CFAP90: variants seen among roughly 807,000 people sequenced by gnomAD.
CFAP90 encodes the protein cilia and flagella associated protein 90.
the CFAP90 span, among the ~76,000 whole-genome samples, chr5:7,836,275 C>A: frequency 6.6e-6 from 1 of 152,114 alleles, no homozygotes; most frequent in African/African-American, 2.4e-5. Context: ...CTCAAATTCT[C>A]TATAATAAGC....
chr5:7,841,141 GA>G, the CFAP90 span, among the ~76,000 whole-genome samples: 5 of 150,066 alleles, frequency 3.3e-5, no homozygotes, highest in South Asian at 2.1e-4. Context: ...AAATTTACAA[GA>G]AAAAAAAACC....
At chr5:7,836,014 T>C in the CFAP90 span, among the ~76,000 whole-genome samples, 1 of 152,150 alleles carries the variant, frequency 6.6e-6, no homozygotes, top group Non-Finnish European at 1.5e-5. Flanking sequence ...GTCTTCTCCC[T>C]GTATCCTCAC....
the CFAP90 span, among the ~76,000 whole-genome samples, chr5:7,850,402 A>G: frequency 7.1e-6 from 1 of 141,392 alleles, no homozygotes; most frequent in Non-Finnish European, 1.5e-5. Flanking sequence ...GGGCCCCTCT[A>G]CTCTGTGAGC....
At chr5:7,841,310 A>C in the CFAP90 span, among the ~76,000 whole-genome samples, 1 of 152,210 alleles carries the variant, frequency 6.6e-6, no homozygotes, top group Admixed American at 6.5e-5. Flanking sequence ...ATGGATATTG[A>C]AAAGTCAAAA....
chr5:7,833,558 ACACATATG>A, the CFAP90 span, among the ~76,000 whole-genome samples: 1 of 152,174 alleles, frequency 6.6e-6, no homozygotes, highest in African/African-American at 2.4e-5. Flanking sequence ...TACACATATT[ACACATATG>A]CCCACACACA....
the CFAP90 span, among the ~76,000 whole-genome samples, chr5:7,849,719 G>A: frequency 1.3e-5 from 2 of 152,134 alleles, no homozygotes; most frequent in Admixed American, 6.5e-5. Flanking sequence ...GGAAATGCAC[G>A]GGCCGGTGTG....
At chr5:7,832,741 G>C in the CFAP90 span, among the ~76,000 whole-genome samples, 1 of 152,096 alleles carries the variant, frequency 6.6e-6, no homozygotes, top group Admixed American at 6.6e-5. Context: ...ACCCACCTCG[G>C]CCTCCCAAAG....
the CFAP90 span, among the ~76,000 whole-genome samples, chr5:7,833,682 T>C: frequency 6.6e-6 from 1 of 152,186 alleles, no homozygotes; most frequent in East Asian, 1.9e-4. Flanking sequence ...TGCATACACA[T>C]ATACACATAC....
the CFAP90 span, among the ~76,000 whole-genome samples, chr5:7,837,231 A>G: frequency 6.6e-6 from 1 of 152,144 alleles, no homozygotes; most frequent in Non-Finnish European, 1.5e-5. Context: ...TCTGAGTACA[A>G]AAGAAAATCT....
chr5:7,845,710 C>T, the CFAP90 span, among the ~76,000 whole-genome samples: 3 of 152,154 alleles, frequency 2.0e-5, no homozygotes, highest in Non-Finnish European at 4.4e-5. Flanking sequence ...GCTTTGCTGC[C>T]GCAGGAACCA....
At chr5:7,835,479 T>C in the CFAP90 span, 1 of 1,576,078 alleles carries the variant, frequency 6.3e-7, no homozygotes, top group Non-Finnish European at 8.7e-7. Flanking sequence ...AATACAATCA[T>C]AGAGGGAAAT....
the CFAP90 span, chr5:7,850,766 C>G: frequency 8.7e-4 from 1,011 of 1,159,412 alleles, 1 homozygote; most frequent in Non-Finnish European, 1.0e-3. Context: ...TCCCCCGCCC[C>G]TCCGCGGCCG....
At chr5:7,849,421 C>T in the CFAP90 span, among the ~76,000 whole-genome samples, 1 of 152,128 alleles carries the variant, frequency 6.6e-6, no homozygotes, top group Non-Finnish European at 1.5e-5. Context: ...CCTGGCTAAT[C>T]TATATCCCTC....
the CFAP90 span, among the ~76,000 whole-genome samples, chr5:7,833,807 G>A: frequency 6.6e-6 from 1 of 152,128 alleles, no homozygotes; most frequent in African/African-American, 2.4e-5. Context: ...CCATGAAAAT[G>A]TCAAAACCTA....
the CFAP90 span, among the ~76,000 whole-genome samples, chr5:7,847,448 G>GT: frequency 3.7e-5 from 5 of 134,504 alleles, no homozygotes; most frequent in Admixed American, 2.5e-4. Flanking sequence ...TAGAGCAGGG[G>GT]TGGGAAACTT....
At chr5:7,836,760 A>G in the CFAP90 span, among the ~76,000 whole-genome samples, 1 of 152,150 alleles carries the variant, frequency 6.6e-6, no homozygotes, top group East Asian at 1.9e-4. Context: ...AAACTCAGGG[A>G]AGGTACCAGG....
the CFAP90 span, among the ~76,000 whole-genome samples, chr5:7,841,402 T>C: frequency 6.6e-6 from 1 of 152,180 alleles, no homozygotes; most frequent in African/African-American, 2.4e-5. Flanking sequence ...TCAACCATTG[T>C]GGAAGACAGT....
chr5:7,831,296 C>A, the CFAP90 span: 1 of 152,746 alleles, frequency 6.5e-6, no homozygotes, highest in African/African-American at 2.4e-5. Flanking sequence ...GGATTCAGAC[C>A]TCTGGAAAAA....
the CFAP90 span, among the ~76,000 whole-genome samples, chr5:7,833,825 T>C: frequency 2.6e-5 from 4 of 152,164 alleles, no homozygotes; most frequent in Non-Finnish European, 4.4e-5. Context: ...CTAATAGAAC[T>C]GAAAAATTCC....
Sources: gnomAD v4.1 joint callset for allele counts (sites outside exome capture counted in the v4.1 genomes callset) on GRCh38, gnomAD v4.1.1 for gene constraint, MANE v1.5 for transcripts, NCBI Gene and HGNC (gene_info 2026-07-23, HGNC 2026-07-21) for gene names.